SNPH: variants seen among roughly 807,000 people sequenced by gnomAD.
SNPH encodes the protein syntaphilin.
A neutral mutation model predicts 36.8 loss-of-function variants in SNPH; 10 were observed. That is an observed-to-expected ratio of 0.27 (90% CI 0.17 to 0.46). The LOEUF (loss-of-function observed/expected upper bound fraction) is 0.46, where lower values mean the gene tolerates loss of function less well. Ranked by LOEUF, SNPH falls within the 20% of genes least tolerant of loss-of-function variation. The probability of loss-of-function intolerance (pLI) is 1.00; values close to 1 mark genes in which losing one functional copy is unlikely to be tolerated. For missense variants in SNPH, 622 were observed against 744.0 expected (o/e 0.84, Z 1.91); for synonymous variants, 281 against 312.2 (o/e 0.90, Z 1.05).
At chr20:1,273,900 A>AG (rs2088100552) in intron 2 of SNPH, among the ~76,000 whole-genome samples, 3 of 152,210 alleles carry the variant, frequency 2.0e-5, no homozygotes, top group Admixed American at 2.0e-4. Context: ...AAGGTTACAC[A>AG]GCGGCTGTGT....
rs1193810232 is a variant in SNPH at position 1,293,397 on chromosome 20, G to A, written c.-492-1554G>A. Among the ~76,000 whole-genome samples the A allele has an allele frequency of 2.0e-5, 3 of 152,178 alleles. No individual in the cohort carries two copies. The East Asian group carries it at 5.8e-4, about 29-fold the overall frequency. On this transcript the variant is annotated intron_variant, in intron 2 of 6. Transcript: ENST00000381867. ...AAAGTGATGAGAGACTATCAGCCCA[G>A]CTTCCCACAGTTAAGGGTTTTCTTT...
rs914156537 is a variant in SNPH at position 1,307,697 on chromosome 20, G to C, written c.*1643G>C. 39 of 152,692 alleles carry C rather than the reference G, an allele frequency of 2.6e-4. No individual in the cohort carries two copies. Among genetic ancestry groups the C allele is most frequent in the African/African-American group, 8.7e-4 (36 of 41,596 alleles). 9.5% of individuals were successfully genotyped at this position (152,692 alleles called of 1,614,324 possible). On this transcript the variant is annotated 3_prime_UTR_variant, in exon 7 of 7. Transcript: ENST00000381867. Reference sequence around the variant, plus strand: ...GTGAGGCGGGGCACCTGCATGCACTGGGAGGGGGCGGCTGGCCCAGCCCTC... The same window carrying C: ...GTGAGGCGGGGCACCTGCATGCACTCGGAGGGGGCGGCTGGCCCAGCCCTC...
Position 1,297,164 on chromosome 20 carries a change from A to G in SNPH, c.202A>G (p.Ser68Gly), listed in dbSNP as rs768140633. 5.6e-6 allele frequency: 9 copies of G among 1,613,550 alleles called. No individual in the cohort carries two copies. In the Admixed American group the frequency reaches 1.5e-4, roughly 27 times the overall value. The change falls in exon 5 of 7, where the codon AGC becomes GGC. Residue 68 changes from serine (S) to glycine (G), a missense_variant. By Grantham distance (56) the Ser-to-Gly change is moderately conservative. Around this residue, in one of 3 missense-constraint regions of SNPH, gnomAD observed 187 missense variants for 209.4 expected, o/e 0.89. Transcript: ENST00000381867. The stretch of plus-strand genomic sequence containing the variant: ...CTCCAGGCGCACCTCTCCACCTGTG[A>G]GCGTGCGGGATGCCTACGGCACCTC... ...GSRRRTSPPV[S>G]VRDAYGTSSL...
In SNPH at chr20:1,294,091, C is replaced by T. The variant is rs995112893; in HGVS notation, c.-492-860C>T. 6.6e-6 allele frequency among the ~76,000 whole-genome samples: 1 copy of T among 152,176 alleles called. No homozygotes were observed. Among genetic ancestry groups the T allele is most frequent in the Non-Finnish European group, 1.5e-5 (1 of 68,038 alleles). On this transcript the variant is annotated intron_variant, in intron 2 of 6. Transcript: ENST00000381867. This position sits in a 1 kb window ranked among gnomAD's most constrained non-coding sequence, Gnocchi z 4.4. ...TGCATCCTCCCAAAAGCCAGAAGGG[C>T]AGGGATGATGGTGGGAAAGTTGTTG... is the stretch of plus-strand genomic sequence containing the variant.
At chr20:1,289,058 T>C (rs2088319249) in intron 2 of SNPH, among the ~76,000 whole-genome samples, 1 of 152,200 alleles carries the variant, frequency 6.6e-6, no homozygotes, top group Non-Finnish European at 1.5e-5. Flanking sequence ...TAGAGTCTCA[T>C]GGAAAAGTAG....
intron 2 of SNPH, among the ~76,000 whole-genome samples, chr20:1,275,837 C>T (rs1031944132): frequency 1.3e-5 from 2 of 152,138 alleles, no homozygotes; most frequent in Admixed American, 1.3e-4. Context: ...CGTGTTCTAC[C>T]CCAAGTCAGC....
At position 1,276,886 on chromosome 20, in the gene SNPH, C is replaced by T. The variant is rs939111827; in HGVS notation, c.-493+10126C>T. On this transcript the variant is annotated intron_variant, in intron 2 of 6. Transcript: ENST00000381867. This position sits in a 1 kb window ranked among gnomAD's most constrained non-coding sequence, Gnocchi z 4.6. ...GATTCTTTCCTGTCCAGAATTTTTG[C>T]GATTCTGTGAAGACTTGACTCAGAT... Among the ~76,000 whole-genome samples the T allele has an allele frequency of 1.3e-5, 2 of 151,910 alleles. No homozygotes were observed. Among genetic ancestry groups the T allele is most frequent in the Non-Finnish European group, 2.9e-5 (2 of 67,998 alleles).
At chr20:1,277,463 CTG>C (rs1160807339) in intron 2 of SNPH, among the ~76,000 whole-genome samples, 3 of 142,364 alleles carry the variant, frequency 2.1e-5, no homozygotes, top group Non-Finnish European at 1.5e-5. Flanking sequence ...ATGTGTATGC[CTG>C]TGTGTGTGTC....
In SNPH at chr20:1,300,719, G is replaced by A; in HGVS notation, c.440+8G>A. 1 of 1,608,146 alleles carries A rather than the reference G, an allele frequency of 6.2e-7. No individual in the cohort carries two copies. Among genetic ancestry groups the A allele is most frequent in the Non-Finnish European group, 8.5e-7 (1 of 1,178,210 alleles). ...GGACCGGCTCCAGGACCGGTGAGCG[G>A]GTGGCCACGAGCAGCCCTGGGGGTA... On this transcript the variant is annotated splice_region_variant and intron_variant, in intron 6 of 6. Coordinates refer to ENST00000381867, the MANE Select transcript of SNPH (RefSeq NM_001318234.2).
chr20:1,298,121 G>A (rs1274195667), intron 5 of SNPH, among the ~76,000 whole-genome samples: 1 of 152,212 alleles, frequency 6.6e-6, no homozygotes, highest in Non-Finnish European at 1.5e-5. Context: ...GTGGGAGGTT[G>A]GGGCGTGTAG....
chr20:1,299,481 CTG>C (rs983192415), intron 5 of SNPH, among the ~76,000 whole-genome samples: 3 of 152,362 alleles, frequency 2.0e-5, no homozygotes, highest in African/African-American at 7.2e-5. Context: ...GGGCCATAGT[CTG>C]TTGTGGAATT....
At chr20:1,270,657 T>G (rs2088062194) in intron 2 of SNPH, among the ~76,000 whole-genome samples, 1 of 152,168 alleles carries the variant, frequency 6.6e-6, no homozygotes, top group Non-Finnish European at 1.5e-5. Flanking sequence ...GACCAGAACC[T>G]TTCCTGTCCT....
intron 2 of SNPH, among the ~76,000 whole-genome samples, chr20:1,272,792 ATCT>A (rs2088088174): frequency 6.6e-6 from 1 of 152,248 alleles, no homozygotes; most frequent in South Asian, 2.1e-4. Context: ...GCAGCTTGTG[ATCT>A]TCTGCTTCTG....
In SNPH at chr20:1,296,354, A is replaced by T. The variant is rs751884627; in HGVS notation, c.115A>T (p.Thr39Ser). ...CGGGATACCGCCCATCCCACCCCTT[A>T]CTCGGACCCACAGCCTCATGGCCAT... ...APGIPPIPPLTRTHSLMAMSL... is the reference protein window; with the variant it reads ...APGIPPIPPLSRTHSLMAMSL... The change falls in exon 4 of 7, where the codon ACT becomes TCT. Residue 39 changes from threonine to serine, a missense_variant. Physicochemically the swap from Thr to Ser is moderately conservative, Grantham distance 58. This residue lies in a region of SNPH where 187 missense variants were observed against 209.4 expected (regional missense o/e 0.89). Coordinates refer to ENST00000381867, the MANE Select transcript of SNPH (RefSeq NM_001318234.2). The T allele has an allele frequency of 1.1e-5, 17 of 1,597,764 alleles. No individual in the cohort carries two copies. In the South Asian group the frequency reaches 1.9e-4, roughly 18 times the overall value.
chr20:1,268,493 G>A (rs2088034313), intron 2 of SNPH, among the ~76,000 whole-genome samples: 1 of 151,984 alleles, frequency 6.6e-6, no homozygotes, highest in East Asian at 1.9e-4. Flanking sequence ...AGCCTTTCTC[G>A]CTCCTCTTTA....
intron 2 of SNPH, among the ~76,000 whole-genome samples, chr20:1,291,727 C>T (rs758968093): frequency 3.3e-5 from 5 of 152,176 alleles, no homozygotes; most frequent in African/African-American, 7.2e-5. Context: ...TCTGTTCCCT[C>T]GGATTTTAGG....
At chr20:1,268,292 G>A (rs1445656075) in intron 2 of SNPH, among the ~76,000 whole-genome samples, 1 of 152,190 alleles carries the variant, frequency 6.6e-6, no homozygotes, top group East Asian at 1.9e-4. Flanking sequence ...AACAGAAGCA[G>A]CAGATTCTTG....
intron 5 of SNPH, among the ~76,000 whole-genome samples, chr20:1,299,147 C>T (rs137978281): frequency 3.9e-5 from 6 of 152,250 alleles, no homozygotes; most frequent in African/African-American, 1.4e-4. Context: ...CCACTTCTAT[C>T]ACCACTTTCT....
In SNPH at chr20:1,296,317, C is replaced by T. The variant is rs769912928; in HGVS notation, c.78C>T (p.Leu26=). 9 of 1,591,062 alleles carry T rather than the reference C, an allele frequency of 5.7e-6. No homozygotes were observed. In the East Asian group the frequency reaches 1.2e-4, roughly 21 times the overall value. Residue 26 remains leucine, a synonymous_variant, in exon 4 of 7, where the codon CTC becomes CTT. Coordinates refer to ENST00000381867, the MANE Select transcript of SNPH (RefSeq NM_001318234.2). The part of the protein sequence containing the change: ...ALSAGPPTRP[L]SSAPGIPPIP... ...CTGCGGGCCCCCCAACCCGCCCTCTCTCCTCAGCCCCCGGGATACCGCCCA... is the reference window on the plus strand; with the variant it reads ...CTGCGGGCCCCCCAACCCGCCCTCTTTCCTCAGCCCCCGGGATACCGCCCA...
Sources: gnomAD v4.1 joint callset for allele counts (sites outside exome capture counted in the v4.1 genomes callset) on GRCh38, gnomAD v4.1.1 for gene constraint, gnomAD v4.1.1 regional missense constraint, Gnocchi (gnomAD v3.1) non-coding constraint, MANE v1.5 for transcripts, NCBI Gene and HGNC (gene_info 2026-07-23, HGNC 2026-07-21) for gene names.